LARP4B: variants seen among roughly 807,000 people sequenced by gnomAD.
LARP4B encodes La ribonucleoprotein 4B.
Under a neutral mutation model 89.8 loss-of-function variants are expected in LARP4B, and 12 were observed. The observed-to-expected ratio is 0.13, with a 90% CI of 0.09 to 0.22. The LOEUF is 0.22. LARP4B is among the 10% of genes least tolerant of loss of function. The pLI, the probability that LARP4B is intolerant of heterozygous loss-of-function variation, is 1.00. For missense variants in LARP4B, 757 were observed against 947.7 expected (o/e 0.80, Z 2.64); for synonymous variants, 367 against 363.3 (o/e 1.01, Z -0.12).
intron 5 of LARP4B, among the ~76,000 whole-genome samples, chr10:851,692 A>G (rs1270242460): frequency 1.3e-5 from 2 of 152,166 alleles, no homozygotes; most frequent in East Asian, 3.8e-4. Flanking sequence ...AACTATATAA[A>G]CCAAAGCTCC....
the LARP4B span, among the ~76,000 whole-genome samples, chr10:954,437 T>TG: frequency 6.6e-6 from 1 of 152,038 alleles, no homozygotes; most frequent in Non-Finnish European, 1.5e-5. This position sits in a 1 kb window ranked among gnomAD's most constrained non-coding sequence, Gnocchi z 5.0. Context: ...GTGAATGTGA[T>TG]GGAAAGACGG....
chr10:963,757 G>A, the LARP4B span, among the ~76,000 whole-genome samples: 2 of 152,168 alleles, frequency 1.3e-5, no homozygotes, highest in African/African-American at 2.4e-5. Flanking sequence ...GTCCAAGATC[G>A]AGGGTCCTTC....
chr10:880,549 G>A (rs1469645368), intron 3 of LARP4B, among the ~76,000 whole-genome samples: 2 of 152,148 alleles, frequency 1.3e-5, no homozygotes, highest in Non-Finnish European at 2.9e-5. Flanking sequence ...AGCCAAGCAT[G>A]GTGGTGCATG....
intron 8 of LARP4B, among the ~76,000 whole-genome samples, chr10:833,887 CAAA>C (rs34834355): frequency 1.2e-4 from 9 of 75,068 alleles, no homozygotes; most frequent in Admixed American, 4.2e-4. Flanking sequence ...GATGCCACCT[CAAA>C]AAAAAAAAAA....
chr10:916,821 C>T (rs1387946028), intron 1 of LARP4B, among the ~76,000 whole-genome samples: 1 of 152,160 alleles, frequency 6.6e-6, no homozygotes, highest in African/African-American at 2.4e-5. Flanking sequence ...CTCAGCCTCC[C>T]AAGTAGCTAC....
chr10:931,398 G>A (rs1830604066), intron 1 of LARP4B, 30 bp downstream of exon 1: 1 of 147,590 alleles, frequency 6.8e-6, no homozygotes, highest in Non-Finnish European at 1.5e-5. Context: ...GGCCGGGAGG[G>A]ACGGCCCGCC....
At chr10:934,758 CCCT>C (rs1830725889), upstream of LARP4B, among the ~76,000 whole-genome samples, 1 of 152,182 alleles carries the variant, frequency 6.6e-6, no homozygotes, top group Non-Finnish European at 1.5e-5. Flanking sequence ...CAGATACACT[CCCT>C]CATTTCCCAT....
intron 1 of LARP4B, among the ~76,000 whole-genome samples, chr10:900,420 CTTTTTTTTTTTTTTTTTT>C (rs529963345): frequency 1.8e-4 from 8 of 45,230 alleles, no homozygotes; most frequent in Non-Finnish European, 1.9e-4. Flanking sequence ...AGAAGGATGT[CTTTTTTTTTTTTTTTTTT>C]TTTTTTTTTT....
intron 7 of LARP4B, among the ~76,000 whole-genome samples, chr10:836,868 C>G (rs2131698597): frequency 2.0e-5 from 3 of 152,342 alleles, no homozygotes; most frequent in Middle Eastern, 6.8e-3. Flanking sequence ...CATCCCTCAC[C>G]TAACGGTCGT....
At chr10:931,762 T>G (rs1250616483), upstream of LARP4B, 1 of 150,030 alleles carries the variant, frequency 6.7e-6, no homozygotes, top group Non-Finnish European at 1.5e-5. Context: ...CCTCGCGCCC[T>G]GAACTCGCGC....
At position 812,243 on chromosome 10, in the gene LARP4B, A is replaced by G. The variant is rs1192916499; in HGVS notation, c.*683T>C. ...TTTGAATTTATATTACATAATAGCC[A>G]CTTGAAACTGGAGTGAGAAGCTGGT... is the stretch of plus-strand genomic sequence containing the variant. On this transcript the variant is annotated 3_prime_UTR_variant, in exon 18 of 18. Transcript: ENST00000316157. 6.5e-6 allele frequency: 1 copy of G among 152,720 alleles called. No homozygotes were observed. The highest frequency in any genetic ancestry group is 2.4e-5 in the African/African-American group (1 of 41,476). The allele number at this position is 152,720 out of a possible 1,614,324, so 9.5% of individuals were successfully genotyped here. A position where few individuals can be genotyped will look rare whatever the true frequency, so the allele number is the denominator to read the frequency against.
At position 885,631 on chromosome 10, in the gene LARP4B, C is replaced by T. The variant is rs1373458002; in HGVS notation, c.81+10G>A. On this transcript the variant is annotated intron_variant, in intron 2 of 17. Transcript: ENST00000316157. Reference sequence around the variant, plus strand: ...ATGGACTCCCCACCACCCCATTCGACAGCACCCACCAGATGAGCGCTGTCC... The same window carrying T: ...ATGGACTCCCCACCACCCCATTCGATAGCACCCACCAGATGAGCGCTGTCC... 9.3e-6 allele frequency: 15 copies of T among 1,610,434 alleles called. No homozygotes were observed. The highest frequency in any genetic ancestry group is 1.3e-5 in the African/African-American group (1 of 74,744).
intron 1 of LARP4B, among the ~76,000 whole-genome samples, chr10:913,178 A>G (rs1380230358): frequency 1.3e-5 from 2 of 152,186 alleles, no homozygotes; most frequent in African/African-American, 4.8e-5. Context: ...TTGTCTAGCA[A>G]TCTGAATTGT....
At chr10:862,333 C>T (rs1327166511) in intron 5 of LARP4B, among the ~76,000 whole-genome samples, 1 of 147,294 alleles carries the variant, frequency 6.8e-6, no homozygotes, top group South Asian at 2.2e-4. Flanking sequence ...CAGTTTCTGA[C>T]TTTGACAGTC....
At chr10:958,764 G>C in the LARP4B span, among the ~76,000 whole-genome samples, 1 of 152,234 alleles carries the variant, frequency 6.6e-6, no homozygotes, top group Non-Finnish European at 1.5e-5. Flanking sequence ...AAATGGTACA[G>C]CTTCGCGTAG....
intron 1 of LARP4B, among the ~76,000 whole-genome samples, chr10:919,152 T>C (rs1267051426): frequency 6.6e-6 from 1 of 152,198 alleles, no homozygotes; most frequent in African/African-American, 2.4e-5. Flanking sequence ...CTATTAAATA[T>C]TTAAATAATT....
intron 1 of LARP4B, among the ~76,000 whole-genome samples, chr10:887,302 AAAG>A (rs1218518974): frequency 1.3e-5 from 2 of 152,146 alleles, no homozygotes; most frequent in Admixed American, 6.5e-5. Flanking sequence ...TACTAACACA[AAAG>A]AAGGGTAAAA....
At position 812,786 on chromosome 10, in the gene LARP4B, C is replaced by T; in HGVS notation, c.*140G>A. The T allele has an allele frequency of 1.5e-6, 1 of 672,354 alleles. No homozygotes were observed. The highest frequency in any genetic ancestry group is 2.2e-6 in the Non-Finnish European group (1 of 458,908). The allele number at this position is 672,354 out of a possible 1,614,324, so 41.6% of individuals were successfully genotyped here. A position where few individuals can be genotyped will look rare whatever the true frequency, so the allele number is the denominator to read the frequency against. On this transcript the variant is annotated 3_prime_UTR_variant, in exon 18 of 18. Coordinates refer to ENST00000316157, the MANE Select transcript of LARP4B (RefSeq NM_015155.3). ...TTCAAGAGGGGGAGAATCCAACTCA[C>T]AGAAGAAAACCAACTTGAGGATCCC...
intron 6 of LARP4B, 40 bp from the exon 7 acceptor site, chr10:843,108 T>A (rs1253124976): frequency 6.3e-7 from 1 of 1,586,618 alleles, no homozygotes; most frequent in Non-Finnish European, 8.6e-7. Context: ...AGTATTTCTT[T>A]AAAAGGAAGT....
Sources: allele counts gnomAD v4.1 joint callset (sites outside exome capture counted in the v4.1 genomes callset), GRCh38; gene constraint gnomAD v4.1.1; non-coding constraint Gnocchi (gnomAD v3.1); transcripts MANE v1.5; gene names NCBI Gene and HGNC (gene_info 2026-07-23, HGNC 2026-07-21).